The following CELA3B variants were observed in gnomAD, a reference collection of about 807,000 sequenced individuals.
The protein encoded by CELA3B is chymotrypsin like elastase 3B.
Under a neutral mutation model 37.2 loss-of-function variants are expected in CELA3B, and 34 were observed. That is an observed-to-expected ratio of 0.91 (90% CI 0.70 to 1.22). The LOEUF is 1.22. Among genes scored for constraint, CELA3B ranks in the 50% most tolerant of loss-of-function variants. The probability of loss-of-function intolerance (pLI) is 0.00; values close to 1 mark genes in which losing one functional copy is unlikely to be tolerated. For missense variants in CELA3B, 340 were observed against 363.1 expected (o/e 0.94, Z 0.52); for synonymous variants, 127 against 143.5 (o/e 0.89, Z 0.82).
At chr1:21,990,933 C>T (rs1426228636), downstream of CELA3B, among the ~76,000 whole-genome samples, 2 of 71,302 alleles carry the variant, frequency 2.8e-5, no homozygotes, top group Non-Finnish European at 7.0e-5. Context: ...AATCTCTTTC[C>T]TCATATTTCT....
At chr1:21,991,922 C>A (rs1326579639), downstream of CELA3B, among the ~76,000 whole-genome samples, 1 of 150,866 alleles carries the variant, frequency 6.6e-6, no homozygotes, top group Admixed American at 6.6e-5. Context: ...GACTTTGTGA[C>A]CAGCCTGGCC....
Position 21,988,507 on chromosome 1 carries a change from C to T in CELA3B, c.796-755C>T, listed in dbSNP as rs143730279. On this transcript the variant is annotated intron_variant, in intron 7 of 7. Transcript: ENST00000337107. ...TTGGGAGGCTGAGGTAGAAGAATTG[C>T]TTGAACTCGGGAGGCAGAAGTTGCA... Among the ~76,000 whole-genome samples, 699 of 149,982 alleles carry T rather than the reference C, an allele frequency of 4.7e-3. 16 individuals are homozygous for T. The highest frequency in any genetic ancestry group is 0.017 in the African/African-American group (672 of 40,538).
chr1:21,981,539 G>C (rs912951499), intron 4 of CELA3B, among the ~76,000 whole-genome samples: 1 of 151,554 alleles, frequency 6.6e-6, no homozygotes, highest in Non-Finnish European at 1.5e-5. Context: ...CAGCACTATG[G>C]GCACAAGGAG....
intron 4 of CELA3B, among the ~76,000 whole-genome samples, chr1:21,997,315 C>T (rs1422715599): frequency 1.5e-5 from 2 of 134,110 alleles, no homozygotes; most frequent in South Asian, 2.4e-4. Flanking sequence ...GAGCTGAGAT[C>T]GTGCCATTGC....
At chr1:21,989,011 A>G (rs1451703020) in intron 7 of CELA3B, among the ~76,000 whole-genome samples, 1 of 152,008 alleles carries the variant, frequency 6.6e-6, no homozygotes, top group African/African-American at 2.4e-5. Context: ...ATATATATCT[A>G]TGCACACATC....
intron 7 of CELA3B, chr1:21,987,470 A>T (rs1042500984): frequency 3.5e-4 from 1 of 2,890 alleles, no homozygotes; most frequent in African/African-American, 2.1e-3. Flanking sequence ...AAAAAAAAAG[A>T]GTAATAGCTA....
Position 21,977,099 on chromosome 1 carries a change from T to C in CELA3B, c.43+17T>C, listed in dbSNP as rs1213040313. 1 of 1,614,086 alleles carries C rather than the reference T, an allele frequency of 6.2e-7. No homozygotes were observed. Among genetic ancestry groups the C allele is most frequent in the South Asian group, 1.1e-5 (1 of 91,082 alleles). On this transcript the variant is annotated intron_variant, in intron 1 of 7. Transcript: ENST00000337107. ...TGGCCGTTGGTAAGACCCCAACCTG[T>C]GTGTGTGCTCCCTGGGCTGCCCTAG... is the stretch of plus-strand genomic sequence containing the variant.
downstream of CELA3B, among the ~76,000 whole-genome samples, chr1:21,994,328 G>C (rs1023188997): frequency 4.6e-5 from 7 of 150,566 alleles, no homozygotes; most frequent in Non-Finnish European, 1.0e-4. Context: ...AGACATGCCT[G>C]GGCTGGGCCC....
chr1:21,992,137 G>A (rs554897694), downstream of CELA3B, among the ~76,000 whole-genome samples: 13 of 151,264 alleles, frequency 8.6e-5, no homozygotes, highest in South Asian at 4.2e-4. Flanking sequence ...AAAAGAAGGA[G>A]CTGTAAATAT....
chr1:21,979,454 T>TTTG (rs1644791919), intron 2 of CELA3B, among the ~76,000 whole-genome samples: 1 of 49,198 alleles, frequency 2.0e-5, no homozygotes, highest in Non-Finnish European at 4.1e-5. Context: ...TTTTCTTTTC[T>TTTG]TTTTTTTTTT....
Position 21,986,595 on chromosome 1 carries a change from C to A in CELA3B, c.707C>A (p.Thr236Asn), listed in dbSNP as rs368231510. 1 of 1,614,084 alleles carries A rather than the reference C, an allele frequency of 6.2e-7. No homozygotes were observed. The change falls in exon 7 of 8, where the codon ACC becomes AAC. Residue 236 changes from threonine to asparagine, a missense_variant. Thr to Asn is a moderately conservative substitution (Grantham distance 65). Transcript: ENST00000337107. ...GGTGGCTGGCAGGTCCATGGCGTGA[C>A]CAGCTTTGTTTCTGCCTTTGGCTGC... is the stretch of plus-strand genomic sequence containing the variant. Reference protein sequence around the residue: ...EDGGWQVHGVTSFVSAFGCNT... With the variant: ...EDGGWQVHGVNSFVSAFGCNT...
chr1:21,985,505 TG>T lies in CELA3B; in HGVS notation c.643-1023del, dbSNP rs201554575. Among the ~76,000 whole-genome samples, 273 of 151,986 alleles carry T rather than the reference TG, an allele frequency of 1.8e-3. 2 individuals carry two copies. Among genetic ancestry groups the T allele is most frequent in the Middle Eastern group, 0.01 (3 of 294 alleles). ...GTTGCCCAGGCTTGTCTCTAACTCT[TG>T]GGCTCAAGTGATCCTCCTGCCTTGG... On this transcript the variant is annotated intron_variant, in intron 6 of 7. Transcript: ENST00000337107.
downstream of CELA3B, among the ~76,000 whole-genome samples, chr1:21,989,582 A>C (rs1158335106): frequency 0.026 from 3,099 of 117,082 alleles, 17 homozygotes; most frequent in East Asian, 0.051. Flanking sequence ...CTGGGAAGGT[A>C]CCAGGAAAAA....
chr1:21,977,121 C>T (rs530393426), intron 1 of CELA3B, 39 bp downstream of exon 1: 1 of 1,613,696 alleles, frequency 6.2e-7, no homozygotes, highest in South Asian at 1.1e-5. Context: ...CTGGGCTGCC[C>T]TAGATTAGGA....
At chr1:21,995,464 AGGG>A (rs1644886733) in intron 4 of CELA3B, among the ~76,000 whole-genome samples, 1 of 151,016 alleles carries the variant, frequency 6.6e-6, no homozygotes, top group Non-Finnish European at 1.5e-5. Context: ...TATTGTGTAC[AGGG>A]GCTGTGCAGA....
At chr1:21,989,647 A>G (rs1212586959), downstream of CELA3B, among the ~76,000 whole-genome samples, 2 of 150,534 alleles carry the variant, frequency 1.3e-5, no homozygotes, top group Non-Finnish European at 2.9e-5. Context: ...TAGCTTTTCA[A>G]TGCAGGCATA....
At position 21,984,187 on chromosome 1, in the gene CELA3B, A is replaced by C; in HGVS notation, c.500-2A>C. 3 of 1,612,474 alleles carry C rather than the reference A, an allele frequency of 1.9e-6. No individual in the cohort carries two copies. Among genetic ancestry groups the C allele is most frequent in the Non-Finnish European group, 2.5e-6 (3 of 1,179,122 alleles). On this transcript the variant is annotated splice_acceptor_variant, in intron 5 of 7. Coordinates refer to ENST00000337107, the MANE Select transcript of CELA3B (RefSeq NM_007352.4). LOFTEE classifies it high-confidence loss of function. ...CTGACTCGGTGCTTTTTATCGCTGC[A>C]GCCAACGGGCCACTCCCAGACAAGC...
At position 21,984,318 on chromosome 1, in the gene CELA3B, G is replaced by C. The variant is rs112944567; in HGVS notation, c.629G>C (p.Arg210Pro). ...KTMVCAGGDI[R>P]SGCNGDSGGP... ...ATGGTGTGTGCTGGAGGGGACATCC[G>C]CTCCGGCTGCAATGTGAGTCAGCTC... The change falls in exon 6 of 8, where the codon CGC becomes CCC. Residue 210 changes from arginine (R) to proline (P), a missense_variant. Coordinates refer to ENST00000337107, the MANE Select transcript of CELA3B (RefSeq NM_007352.4). The C allele has an allele frequency of 1.9e-6, 3 of 1,613,424 alleles. No individual in the cohort carries two copies. The highest frequency in any genetic ancestry group is 2.2e-5 in the East Asian group (1 of 44,864).
rs61777968 is a variant in CELA3B, at chr1:21,989,153, T to C, written c.796-109T>C. 5,220 of 1,535,278 alleles carry C rather than the reference T, an allele frequency of 3.4e-3. 7 individuals are homozygous for C. The highest frequency in any genetic ancestry group is 7.5e-3 in the Middle Eastern group (43 of 5,726). ...GAAACTGAGGCTCAGAGAGGTCAATTCCTCTCCCAGGGTCACACAGCAGGG... is the reference window on the plus strand; with the variant it reads ...GAAACTGAGGCTCAGAGAGGTCAATCCCTCTCCCAGGGTCACACAGCAGGG... On this transcript the variant is annotated intron_variant, in intron 7 of 7. Transcript: ENST00000337107.
Sources: allele counts gnomAD v4.1 joint callset (sites outside exome capture counted in the v4.1 genomes callset), GRCh38; gene constraint gnomAD v4.1.1; transcripts MANE v1.5; gene names NCBI Gene and HGNC (gene_info 2026-07-23, HGNC 2026-07-21).